TLL1: variants seen among roughly 807,000 people sequenced by gnomAD.
TLL1 encodes the protein tolloid like 1.
Under a neutral mutation model 128.2 loss-of-function variants are expected in TLL1, and 49 were observed. The ratio of observed to expected loss-of-function variants is 0.38; its 90% CI spans 0.30 to 0.48. The LOEUF (loss-of-function observed/expected upper bound fraction) is 0.48. Ranked by LOEUF, TLL1 falls within the 20% of genes least tolerant of loss-of-function variation. The probability of loss-of-function intolerance (pLI) is 0.96; values close to 1 mark genes in which losing one functional copy is unlikely to be tolerated. For missense variants in TLL1, 1,123 were observed against 1,242.0 expected (o/e 0.90, Z 1.44); for synonymous variants, 454 against 418.8 (o/e 1.08, Z -1.03).
chr4:166,097,889 T>C (rs1742095419), intron 19 of TLL1, among the ~76,000 whole-genome samples: 1 of 152,180 alleles, frequency 6.6e-6, no homozygotes, highest in African/African-American at 2.4e-5. Flanking sequence ...TTTCAATCCT[T>C]GACAAACAGG....
intron 13 of TLL1, 112 bp downstream of exon 13, chr4:166,055,383 AT>A: frequency 1.1e-6 from 1 of 934,190 alleles, no homozygotes; most frequent in Non-Finnish European, 1.7e-6. Flanking sequence ...TTGAATATGA[AT>A]AAGGATATTT....
intron 1 of TLL1, among the ~76,000 whole-genome samples, chr4:165,911,539 T>A (rs74397573): frequency 0.024 from 3,635 of 152,286 alleles, 90 homozygotes; most frequent in East Asian, 0.1. Context: ...GTCTTTTTGG[T>A]GGTAAACGAC....
chr4:165,919,484 C>T (rs935883304), intron 1 of TLL1, among the ~76,000 whole-genome samples: 2 of 150,600 alleles, frequency 1.3e-5, no homozygotes, highest in African/African-American at 4.9e-5. Flanking sequence ...GATATTATTA[C>T]AATTTTGTTG....
At chr4:166,068,899 C>G (rs1404515800) in intron 16 of TLL1, among the ~76,000 whole-genome samples, 1 of 151,756 alleles carries the variant, frequency 6.6e-6, no homozygotes, top group Non-Finnish European at 1.5e-5. Flanking sequence ...ACAGTGCATG[C>G]AGTGTCTACA....
At chr4:165,895,487 A>T (rs1731627460) in intron 1 of TLL1, among the ~76,000 whole-genome samples, 1 of 152,072 alleles carries the variant, frequency 6.6e-6, no homozygotes, top group Admixed American at 6.6e-5. Context: ...TTGCTGAGAG[A>T]TTTTAAAGAA....
At chr4:165,982,878 C>G (rs1028833845) in intron 1 of TLL1, among the ~76,000 whole-genome samples, 1 of 151,692 alleles carries the variant, frequency 6.6e-6, no homozygotes. Flanking sequence ...CCCACCCTGG[C>G]CACAAACGTA....
intron 1 of TLL1, among the ~76,000 whole-genome samples, chr4:165,905,565 A>C (rs907946895): frequency 1.3e-5 from 2 of 152,062 alleles, no homozygotes; most frequent in African/African-American, 2.4e-5. Context: ...TCCTGTTTAG[A>C]TCTTATCTCC....
chr4:166,058,252 A>G (rs1740123634), intron 14 of TLL1, among the ~76,000 whole-genome samples: 1 of 151,920 alleles, frequency 6.6e-6, no homozygotes, highest in Non-Finnish European at 1.5e-5. Context: ...CTATATATCT[A>G]TTCATCCCTC....
At chr4:165,980,196 G>C (rs1440611400) in intron 1 of TLL1, among the ~76,000 whole-genome samples, 1 of 149,114 alleles carries the variant, frequency 6.7e-6, no homozygotes, top group Non-Finnish European at 1.5e-5. Flanking sequence ...GACACTCTGA[G>C]TGTCCAGTCC....
intron 14 of TLL1, 86 bp from the exon 15 acceptor site, chr4:166,059,942 A>G: frequency 6.7e-7 from 1 of 1,486,008 alleles, no homozygotes; most frequent in Non-Finnish European, 9.3e-7. Context: ...TAGTGCTGAG[A>G]TGTTTGGGTA....
intron 1 of TLL1, among the ~76,000 whole-genome samples, chr4:165,948,150 G>T (rs1734343661): frequency 1.3e-5 from 2 of 152,070 alleles, no homozygotes; most frequent in Non-Finnish European, 2.9e-5. Flanking sequence ...ATACTGCTTT[G>T]TACCCGTCAG....
At chr4:165,949,985 C>T (rs915499033) in intron 1 of TLL1, among the ~76,000 whole-genome samples, 5 of 152,062 alleles carry the variant, frequency 3.3e-5, no homozygotes, top group African/African-American at 9.7e-5. Flanking sequence ...CAGAGATGAT[C>T]AGATTGGATA....
At chr4:165,963,328 A>T (rs765294326) in intron 1 of TLL1, among the ~76,000 whole-genome samples, 26 of 152,124 alleles carry the variant, frequency 1.7e-4, no homozygotes, top group Admixed American at 1.7e-3. Flanking sequence ...ATCTAAAATA[A>T]AAGTTGAACA....
chr4:166,035,154 C>G (rs1579652914), intron 9 of TLL1, among the ~76,000 whole-genome samples: 1 of 152,072 alleles, frequency 6.6e-6, no homozygotes, highest in African/African-American at 2.4e-5. Flanking sequence ...GTTCTGATGA[C>G]TAGTGAGTGA....
intron 1 of TLL1, among the ~76,000 whole-genome samples, chr4:165,881,591 C>A (rs576575633): frequency 8.5e-5 from 13 of 152,338 alleles, no homozygotes; most frequent in South Asian, 2.1e-4. Context: ...AGAGTAAGAC[C>A]AGTGTTTTAT....
chr4:166,027,448 T>A (rs918547578), intron 9 of TLL1, among the ~76,000 whole-genome samples: 8 of 152,326 alleles, frequency 5.3e-5, no homozygotes, highest in Middle Eastern at 6.8e-3. Context: ...TCCAGGATTT[T>A]GTAATATTCG....
At chr4:165,919,998 G>T (rs1231927228) in intron 1 of TLL1, 2 of 297,080 alleles carry the variant, frequency 6.7e-6, no homozygotes, top group East Asian at 2.0e-4. Context: ...TCTGTATGAA[G>T]TCAGCCATAT....
At position 166,009,731 on chromosome 4, in the gene TLL1, T is replaced by C. The variant is rs1204093205; in HGVS notation, c.917+1683T>C. Among the ~76,000 whole-genome samples, 3 of 151,592 alleles carry C rather than the reference T, an allele frequency of 2.0e-5. No individual in the cohort carries two copies. The South Asian group carries it at 6.2e-4, about 31-fold the overall frequency. ...TTTAAAGAAGCTGTTTATTAACTTA[T>C]ATTTAAATGATTTTCAGGAAAAGAA... On this transcript the variant is annotated intron_variant, in intron 7 of 20. Coordinates refer to ENST00000061240, the MANE Select transcript of TLL1 (RefSeq NM_012464.5).
At chr4:165,943,774 T>G (rs2110927198) in intron 1 of TLL1, among the ~76,000 whole-genome samples, 1 of 152,278 alleles carries the variant, frequency 6.6e-6, no homozygotes, top group Non-Finnish European at 1.5e-5. Flanking sequence ...TTTTTATTTC[T>G]GACTTCTTGC....
Sources: gnomAD v4.1 joint callset for allele counts (sites outside exome capture counted in the v4.1 genomes callset) on GRCh38, gnomAD v4.1.1 for gene constraint, MANE v1.5 for transcripts, NCBI Gene and HGNC (gene_info 2026-07-23, HGNC 2026-07-21) for gene names.